Variants in PTGER3 observed in about 807,000 individuals in gnomAD.
The protein encoded by PTGER3 is prostaglandin E2 receptor EP3 subtype.
PTGER3 carries 22 observed loss-of-function variants against 34.7 expected under a neutral mutation model. The observed-to-expected ratio is 0.63, with a 90% CI of 0.45 to 0.91. PTGER3 has a LOEUF of 0.91. Ranked by LOEUF, PTGER3 falls within the 40% of genes least tolerant of loss-of-function variation. The pLI is 0.00. For missense variants in PTGER3, 468 were observed against 519.4 expected, an observed-to-expected ratio of 0.90 and a Z score of 0.96; for synonymous variants, 241 against 230.1, an observed-to-expected ratio of 1.05 and a Z score of -0.43.
chr1:70,916,802 A>G (rs1647183525), intron 4 of PTGER3, among the ~76,000 whole-genome samples: 1 of 152,056 alleles, frequency 6.6e-6, no homozygotes, highest in South Asian at 2.1e-4. Context: ...CAATATACCC[A>G]TATAAAAAAT....
At chr1:70,935,069 C>G (rs187387272) in intron 4 of PTGER3, among the ~76,000 whole-genome samples, 1 of 152,100 alleles carries the variant, frequency 6.6e-6, no homozygotes, top group East Asian at 1.9e-4. Flanking sequence ...GAAATAAGTC[C>G]ATAGTGAGCC....
Position 71,047,366 on chromosome 1 carries a change from A to AGCATGGCCAGTGCT in PTGER3, c.211_212insAGCACTGGCCATGC (p.Leu71GlnfsTer70), listed in dbSNP as rs771332456. On this transcript the variant is annotated frameshift_variant, in exon 1 of 4. Transcript: ENST00000306666. LOFTEE classifies it high-confidence loss of function. The stretch of plus-strand genomic sequence containing the variant: ...GCGCCGGTAGCTGCGCGACACGAGC[A>AGCATGGCCAGTGCT]GCATGGCCAGTGCGTTGCCCACGAA... 1 of 1,610,690 alleles carries AGCATGGCCAGTGCT rather than the reference A, an allele frequency of 6.2e-7. No homozygotes were observed. The highest frequency in any genetic ancestry group is 8.5e-7 in the Non-Finnish European group (1 of 1,179,144).
chr1:70,875,651 G>A (rs1429435287), intron 4 of PTGER3, among the ~76,000 whole-genome samples: 1 of 152,060 alleles, frequency 6.6e-6, no homozygotes, highest in Non-Finnish European at 1.5e-5. Context: ...AGGACACAGT[G>A]CCTGATATTC....
intron 2 of PTGER3, among the ~76,000 whole-genome samples, chr1:70,977,951 T>C (rs1653873352): frequency 6.6e-6 from 1 of 152,160 alleles, no homozygotes; most frequent in Admixed American, 6.5e-5. Flanking sequence ...GTCCTCTCCC[T>C]TTGTCAGAAA....
chr1:70,899,284 T>C (rs1646786325), intron 4 of PTGER3, among the ~76,000 whole-genome samples: 1 of 152,166 alleles, frequency 6.6e-6, no homozygotes, highest in Non-Finnish European at 1.5e-5. Context: ...ACAGTTGTGA[T>C]ACAATGTAAG....
intron 2 of PTGER3, among the ~76,000 whole-genome samples, chr1:70,995,532 A>T (rs1655857493): frequency 1.3e-5 from 2 of 152,182 alleles, no homozygotes; most frequent in African/African-American, 4.8e-5. Context: ...CTGAAGTTTC[A>T]CTCTAGCGTC....
At chr1:70,875,338 A>G (rs1007262392) in intron 4 of PTGER3, among the ~76,000 whole-genome samples, 1 of 152,224 alleles carries the variant, frequency 6.6e-6, no homozygotes, top group Admixed American at 6.5e-5. Context: ...TTGTGCCTAG[A>G]AAGGTAACAA....
intron 4 of PTGER3, among the ~76,000 whole-genome samples, chr1:70,946,032 C>T (rs755127629): frequency 5.9e-5 from 9 of 152,022 alleles, no homozygotes; most frequent in Non-Finnish European, 1.2e-4. Flanking sequence ...TCATGACTTC[C>T]ATCGAAACGG....
At chr1:70,951,040 C>A (rs1001160466), downstream of PTGER3, 1 of 152,142 alleles carries the variant, frequency 6.6e-6, no homozygotes, top group African/African-American at 2.4e-5. Context: ...TTTAAATTTG[C>A]TTCCTTTGTA....
chr1:70,978,530 G>A lies in PTGER3; in HGVS notation c.1078-4142C>T, dbSNP rs147395281. On this transcript the variant is annotated intron_variant, in intron 2 of 3. Transcript: ENST00000306666. ...GATAATTTTAGAAACACAAATCCAG[G>A]CTTCTGATATCAGAGGAGTCTTTCC... Among the ~76,000 whole-genome samples, 1,087 of 152,168 alleles carry A rather than the reference G, an allele frequency of 7.1e-3. 21 individuals carry two copies. Among genetic ancestry groups the A allele is most frequent in the African/African-American group, 0.025 (1,025 of 41,502 alleles).
intron 4 of PTGER3, among the ~76,000 whole-genome samples, chr1:70,911,277 CT>C (rs954108573): frequency 6.0e-5 from 9 of 150,894 alleles, no homozygotes; most frequent in Middle Eastern, 3.4e-3. Context: ...CACTGTCAGA[CT>C]TTTTTTTGTA....
chr1:70,950,444 G>A (rs1650647016), downstream of PTGER3, among the ~76,000 whole-genome samples: 1 of 152,258 alleles, frequency 6.6e-6, no homozygotes, highest in Non-Finnish European at 1.5e-5. Context: ...TCACCTCACT[G>A]GGTCACAAGT....
chr1:70,875,038 G>A (rs969418643), intron 4 of PTGER3, among the ~76,000 whole-genome samples: 5 of 152,176 alleles, frequency 3.3e-5, no homozygotes, highest in Non-Finnish European at 2.9e-5. Flanking sequence ...GCAACTATTA[G>A]CCTAGGGGGA....
chr1:71,006,082 A>G (rs915490640), intron 2 of PTGER3: 5 of 810,044 alleles, frequency 6.2e-6, no homozygotes, highest in Non-Finnish European at 7.5e-6. Flanking sequence ...GTCATCCTAC[A>G]GGAGTATAGA....
At chr1:70,973,221 TGATAGATAGATAGATA>T (rs72155144) in intron 3 of PTGER3, among the ~76,000 whole-genome samples, 3,607 of 137,642 alleles carry the variant, frequency 0.026, 78 homozygotes, top group Middle Eastern at 0.045. Context: ...GATAGATAGA[TGATAGATAGATAGATA>T]GATAGATAGA....
At chr1:70,961,805 C>T (rs1651957143) in intron 2 of PTGER3, among the ~76,000 whole-genome samples, 1 of 152,172 alleles carries the variant, frequency 6.6e-6, no homozygotes, top group Non-Finnish European at 1.5e-5. Flanking sequence ...TTGAAGTTAA[C>T]TCTTTAGAGA....
chr1:70,901,874 A>G (rs1231462414), intron 4 of PTGER3, among the ~76,000 whole-genome samples: 1 of 152,196 alleles, frequency 6.6e-6, no homozygotes, highest in East Asian at 1.9e-4. Context: ...ACGGGAAAGT[A>G]AAGAGAAAAA....
At chr1:71,008,038 G>A in intron 2 of PTGER3, 1 of 984,992 alleles carries the variant, frequency 1.0e-6, no homozygotes, top group Non-Finnish European at 1.2e-6. Flanking sequence ...TAGGCTACTG[G>A]CACTTTAAAA....
At chr1:70,946,049 A>G (rs1351741599) in intron 4 of PTGER3, among the ~76,000 whole-genome samples, 1 of 152,104 alleles carries the variant, frequency 6.6e-6, no homozygotes, top group Non-Finnish European at 1.5e-5. Context: ...ACGGTAGCCA[A>G]TATAGGATGA....
Sources: allele counts gnomAD v4.1 joint callset (sites outside exome capture counted in the v4.1 genomes callset), GRCh38; gene constraint gnomAD v4.1.1; transcripts MANE v1.5; gene names NCBI Gene and HGNC (gene_info 2026-07-23, HGNC 2026-07-21).